IL16: variants seen among roughly 807,000 people sequenced by gnomAD.
IL16 encodes interleukin 16, also known as pro-interleukin-16.
A neutral mutation model predicts 110.1 loss-of-function variants in IL16; 67 were observed. That is an observed-to-expected ratio of 0.61 (90% CI 0.50 to 0.75). The LOEUF is 0.75. Ranked by LOEUF, IL16 falls within the 30% of genes least tolerant of loss-of-function variation. The probability of loss-of-function intolerance (pLI) is 0.00; values close to 1 mark genes in which losing one functional copy is unlikely to be tolerated. For synonymous variants in IL16, 689 were observed against 662.9 expected, an observed-to-expected ratio of 1.04 and a Z score of -0.61; for missense variants, 1,545 against 1,655.0, an observed-to-expected ratio of 0.93 and a Z score of 1.15.
chr15:81,265,777 G>A lies in IL16; in HGVS notation c.540G>A (p.Leu180=). ...CSNRKSLSQQ[L]DCPAGKAAGT... ...ACAGGAAGTCCCTCTCTCAACAATT[G>A]GACTGTCCAGCAGGAAAGGCTGCGG... The change falls in exon 4 of 19, where the codon TTG becomes TTA. Residue 180 remains leucine (L), a synonymous_variant. Coordinates refer to ENST00000683961, the MANE Select transcript of IL16 (RefSeq NM_172217.5). The A allele has an allele frequency of 6.2e-7, 1 of 1,613,282 alleles. No homozygotes were observed. The highest frequency in any genetic ancestry group is 1.1e-5 in the South Asian group (1 of 90,878).
chr15:81,241,167 AT>A (rs887847954), intron 2 of IL16, among the ~76,000 whole-genome samples: 44 of 152,154 alleles, frequency 2.9e-4, no homozygotes, highest in African/African-American at 9.6e-4. Context: ...AGTTTTTAAG[AT>A]TTGTATGCCA....
intron 2 of IL16, among the ~76,000 whole-genome samples, chr15:81,240,084 C>G (rs1470433386): frequency 6.6e-6 from 1 of 152,120 alleles, no homozygotes; most frequent in Non-Finnish European, 1.5e-5. Context: ...AACATGATAT[C>G]AATGCTATTG....
rs768576026 is a variant in IL16 at position 81,308,998 on chromosome 15, C to T, written c.*200C>T. 5 of 492,874 alleles carry T rather than the reference C, an allele frequency of 1.0e-5. No homozygotes were observed. The highest frequency in any genetic ancestry group is 3.4e-5 in the South Asian group (1 of 29,072). The allele number at this position is 492,874 out of a possible 1,614,324, so 30.5% of individuals were successfully genotyped here. ...TTCCTAAAATAAGGGCAGAGTCACA[C>T]GGGGGCAGCTGATACAAATTGCAGA... On this transcript the variant is annotated 3_prime_UTR_variant, in exon 19 of 19. Transcript: ENST00000683961.
At chr15:81,276,714 A>G (rs1450599673) in intron 6 of IL16, among the ~76,000 whole-genome samples, 1 of 152,246 alleles carries the variant, frequency 6.6e-6, no homozygotes, top group Non-Finnish European at 1.5e-5. Context: ...AGAAATTAAT[A>G]TGAAAACTAG....
rs868740491 is a variant in IL16 at position 81,225,589 on chromosome 15, G to A, written c.190G>A (p.Ala64Thr). 3 of 1,613,976 alleles carry A rather than the reference G, an allele frequency of 1.9e-6. No individual in the cohort carries two copies. Among genetic ancestry groups the A allele is most frequent in the East Asian group, 2.2e-5 (1 of 44,878 alleles). Residue 64 changes from alanine to threonine, a missense_variant, in exon 2 of 19, where the codon GCA becomes ACA. By Grantham distance (58) the Ala-to-Thr change is moderately conservative. This residue lies in a region of IL16 where 1,185 missense variants were observed against 1,238.8 expected (regional missense o/e 0.96). Coordinates refer to ENST00000683961, the MANE Select transcript of IL16 (RefSeq NM_172217.5). ...EGIFHSSVQLADTSEAGPSSV... is the reference protein window; with the variant it reads ...EGIFHSSVQLTDTSEAGPSSV... ...AATTTTCCACTCATCTGTGCAGCTG[G>A]CAGACACATCGGAGGCTGGGCCCAG...
rs1428459354 is a variant in IL16 at position 81,269,592 on chromosome 15, G to A, written c.619G>A (p.Gly207Arg). 6 of 1,614,084 alleles carry A rather than the reference G, an allele frequency of 3.7e-6. No individual in the cohort carries two copies. The highest frequency in any genetic ancestry group is 5.1e-6 in the Non-Finnish European group (6 of 1,179,954). Reference protein sequence around the residue: ...LSTAQLVQPSGGLQASVISNI... With the variant: ...LSTAQLVQPSRGLQASVISNI... ...CACAGCTCAGCTCGTGCAGCCATCT[G>A]GGGGCCTCCAGGCTTCAGTCATCTC... Residue 207 changes from glycine to arginine, a missense_variant, in exon 5 of 19, where the codon GGG (glycine) becomes AGG (arginine). By Grantham distance (125) the Gly-to-Arg change is moderately radical. Transcript: ENST00000683961.
rs562825970 is a variant in IL16 at position 81,299,820 on chromosome 15, GCCTCCT to G, written c.2509_2514del (p.Ser837_Ser838del). ...GGAGCACCTAGGATCACACATCCGG[GCCTCCT>G]CCTCCTCCTCCTCCATCAGGCAGAG... On this transcript the variant is annotated inframe_deletion, in exon 14 of 19. Coordinates refer to ENST00000683961, the MANE Select transcript of IL16 (RefSeq NM_172217.5). 30 of 1,613,232 alleles carry G rather than the reference GCCTCCT, an allele frequency of 1.9e-5. No homozygotes were observed. The highest frequency in any genetic ancestry group is 1.1e-4 in the African/African-American group (8 of 74,836).
Position 81,278,898 on chromosome 15 carries a change from T to C in IL16, c.864+8T>C. 1 of 1,601,976 alleles carries C rather than the reference T, an allele frequency of 6.2e-7. No individual in the cohort carries two copies. Among genetic ancestry groups the C allele is most frequent in the Non-Finnish European group, 8.6e-7 (1 of 1,168,858 alleles). On this transcript the variant is annotated splice_region_variant and intron_variant, in intron 7 of 18. Transcript: ENST00000683961. ...GCTTTGCAGAAGTTCAAGGTGACCA[T>C]TTCTTATCAACACGTGACCAAACTC...
chr15:81,231,120 C>A (rs956415229), intron 2 of IL16, among the ~76,000 whole-genome samples: 2 of 152,022 alleles, frequency 1.3e-5, no homozygotes, highest in African/African-American at 2.4e-5. Context: ...AGGTGGATCC[C>A]TTGAACCCAA....
chr15:81,205,741 T>C (rs1186340527), intron 1 of IL16, among the ~76,000 whole-genome samples: 1 of 152,006 alleles, frequency 6.6e-6, no homozygotes, highest in Non-Finnish European at 1.5e-5. Flanking sequence ...ACAAACTCTC[T>C]CTCCCCAGTC....
chr15:81,224,656 G>A (rs1467389876), intron 1 of IL16, among the ~76,000 whole-genome samples: 1 of 152,184 alleles, frequency 6.6e-6, no homozygotes, highest in Non-Finnish European at 1.5e-5. Flanking sequence ...CTTCTTTTAT[G>A]CTCACATCAA....
chr15:81,294,077 G>A (rs1411044641), intron 12 of IL16, among the ~76,000 whole-genome samples: 1 of 152,214 alleles, frequency 6.6e-6, no homozygotes, highest in Non-Finnish European at 1.5e-5. Flanking sequence ...CAGGTGGGAG[G>A]GGGCCTCTGG....
intron 1 of IL16, among the ~76,000 whole-genome samples, chr15:81,183,789 A>G (rs1001577393): frequency 5.3e-5 from 8 of 152,188 alleles, no homozygotes; most frequent in Non-Finnish European, 1.2e-4. Context: ...CTGGGATGGA[A>G]TCTTGGCTCT....
intron 5 of IL16, among the ~76,000 whole-genome samples, chr15:81,271,843 C>T (rs1898656892): frequency 6.6e-6 from 1 of 152,208 alleles, no homozygotes. Flanking sequence ...CCACGGCTCT[C>T]CCACTGACTC....
chr15:81,257,321 C>T (rs927309960), intron 2 of IL16, among the ~76,000 whole-genome samples: 2 of 152,240 alleles, frequency 1.3e-5, no homozygotes, highest in African/African-American at 4.8e-5. Flanking sequence ...ACTGAGTGGA[C>T]TTCTGGCTCC....
chr15:81,301,344 C>G lies in IL16; in HGVS notation c.3150C>G (p.Asn1050Lys), dbSNP rs200823442. Residue 1050 changes from asparagine (N) to lysine (K), a missense_variant and splice_region_variant, in exon 15 of 19, where the codon AAC (asparagine) becomes AAG (lysine). By Grantham distance (94) the Asn-to-Lys change is moderately conservative. Coordinates refer to ENST00000683961, the MANE Select transcript of IL16 (RefSeq NM_172217.5). ...TSALDTGFSL[N>K]LSELREYTEG... ...TGTGTGTTGTTTCTCCTTATGAAAGCCTTTCAGAGCTGAGAGAATATACAG... is the reference window on the plus strand; with the variant it reads ...TGTGTGTTGTTTCTCCTTATGAAAGGCTTTCAGAGCTGAGAGAATATACAG... The G allele has an allele frequency of 1.2e-4, 186 of 1,594,284 alleles. 1 individual carries two copies. The African/African-American group carries it at 1.8e-3, about 15-fold the overall frequency.
chr15:81,188,282 G>A, intron 1 of IL16: 1 of 455,684 alleles, frequency 2.2e-6, no homozygotes, highest in Non-Finnish European at 4.4e-6. Context: ...GTTATGAGGT[G>A]GAGAGGGGGA....
chr15:81,275,362 G>C (rs1288554901), intron 6 of IL16, among the ~76,000 whole-genome samples: 3 of 102,512 alleles, frequency 2.9e-5, no homozygotes, highest in African/African-American at 8.9e-5. Context: ...GGGGAGGAGG[G>C]GGGGGAGGGG....
At chr15:81,191,938 A>T (rs1446645972), upstream of IL16, among the ~76,000 whole-genome samples, 1 of 152,210 alleles carries the variant, frequency 6.6e-6, no homozygotes, top group Admixed American at 6.5e-5. Context: ...CACTGTAAGG[A>T]ATTTGGGTAT....
Sources: gnomAD v4.1 joint callset for allele counts (sites outside exome capture counted in the v4.1 genomes callset) on GRCh38, gnomAD v4.1.1 for gene constraint, gnomAD v4.1.1 regional missense constraint, MANE v1.5 for transcripts, NCBI Gene and HGNC (gene_info 2026-07-23, HGNC 2026-07-21) for gene names.